SDC2: variants seen among roughly 807,000 people sequenced by gnomAD.
SDC2 encodes the protein syndecan 2, also known as syndecan-2.
SDC2 carries 13 observed loss-of-function variants against 22.2 expected under a neutral mutation model. The observed-to-expected ratio is 0.59, with a 90% CI of 0.38 to 0.93. The LOEUF is 0.93. Ranked by LOEUF, SDC2 falls within the 40% of genes least tolerant of loss-of-function variation. The pLI is 0.00. For missense variants in SDC2, 235 were observed against 246.8 expected, an observed-to-expected ratio of 0.95 and a Z score of 0.32; for synonymous variants, 94 against 92.8, an observed-to-expected ratio of 1.01 and a Z score of -0.07.
chr8:96,523,468 C>T (rs13257560), intron 1 of SDC2, among the ~76,000 whole-genome samples: 68,257 of 152,048 alleles, frequency 0.45, 16,128 homozygotes, highest in Non-Finnish European at 0.53. Flanking sequence ...CTCTTGGAGT[C>T]CTAGGTGCTA....
chr8:96,576,871 A>G (rs62516143), intron 1 of SDC2, among the ~76,000 whole-genome samples: 12,361 of 152,268 alleles, frequency 0.081, 608 homozygotes, highest in East Asian at 0.15. Context: ...AATGGTGAAT[A>G]CATTTCTAAT....
At chr8:96,510,614 A>G (rs1011605437) in intron 1 of SDC2, among the ~76,000 whole-genome samples, 5 of 152,220 alleles carry the variant, frequency 3.3e-5, no homozygotes, top group African/African-American at 1.2e-4. Flanking sequence ...TCTGCAGGAT[A>G]ACATTACAAT....
At chr8:96,528,947 A>G (rs1452711713) in intron 1 of SDC2, among the ~76,000 whole-genome samples, 1 of 152,212 alleles carries the variant, frequency 6.6e-6, no homozygotes, top group Non-Finnish European at 1.5e-5. Context: ...TCTTGGTCTC[A>G]GTGTCTTCAT....
chr8:96,539,178 G>A (rs1036039163), intron 1 of SDC2, among the ~76,000 whole-genome samples: 1 of 152,180 alleles, frequency 6.6e-6, no homozygotes, highest in Non-Finnish European at 1.5e-5. Flanking sequence ...CGAGTACTGA[G>A]CATAGAATTT....
intron 1 of SDC2, among the ~76,000 whole-genome samples, chr8:96,576,248 GT>G (rs970399643): frequency 6.6e-6 from 1 of 151,642 alleles, no homozygotes; most frequent in Non-Finnish European, 1.5e-5. Context: ...GTCACCTGAA[GT>G]TTTTTCAGCT....
intron 1 of SDC2, among the ~76,000 whole-genome samples, chr8:96,548,994 G>A (rs950898271): frequency 1.3e-5 from 2 of 152,188 alleles, no homozygotes; most frequent in Non-Finnish European, 2.9e-5. Flanking sequence ...GCAGCATAAT[G>A]TTGTGTTGTG....
intron 1 of SDC2, among the ~76,000 whole-genome samples, chr8:96,583,236 G>A (rs1814620382): frequency 7.3e-6 from 1 of 136,266 alleles, no homozygotes; most frequent in Non-Finnish European, 1.6e-5. Context: ...ACAAGCATGA[G>A]TCACTGCACC....
Position 96,504,086 on chromosome 8 carries a change from C to G in SDC2, c.60+9755C>G, listed in dbSNP as rs534661710. ...AGTTTAAGGGAGATAACAATATGAT[C>G]ATCTCAACAGATGCAGAAAAAGCAT... is the stretch of plus-strand genomic sequence containing the variant. On this transcript the variant is annotated intron_variant, in intron 1 of 4. Coordinates refer to ENST00000302190, the MANE Select transcript of SDC2 (RefSeq NM_002998.4). 2.6e-5 allele frequency among the ~76,000 whole-genome samples: 4 copies of G among 152,272 alleles called. No homozygotes were observed. In the South Asian group the frequency reaches 8.3e-4, roughly 32 times the overall value.
intron 1 of SDC2, among the ~76,000 whole-genome samples, chr8:96,552,067 A>C (rs1393928420): frequency 6.6e-6 from 1 of 152,168 alleles, no homozygotes; most frequent in African/African-American, 2.4e-5. Context: ...TCTGCAACAG[A>C]ACCAGCCACA....
At chr8:96,551,709 G>A (rs975416788) in intron 1 of SDC2, among the ~76,000 whole-genome samples, 9 of 152,158 alleles carry the variant, frequency 5.9e-5, no homozygotes, top group Admixed American at 5.2e-4. Flanking sequence ...ATGAGAGTAG[G>A]CAGGTAGGAT....
intron 1 of SDC2, 34 bp downstream of exon 1, chr8:96,494,365 T>G: frequency 6.5e-7 from 1 of 1,532,376 alleles, no homozygotes; most frequent in Non-Finnish European, 8.7e-7. Flanking sequence ...CGCGCGCCGT[T>G]TAGGGTGTTT....
intron 1 of SDC2, 92 bp downstream of exon 1, chr8:96,494,423 A>C (rs1813015961): frequency 3.2e-6 from 4 of 1,250,250 alleles, no homozygotes; most frequent in Non-Finnish European, 4.4e-6. Context: ...CCACCTGGGG[A>C]ACCCCCAGTC....
intron 1 of SDC2, among the ~76,000 whole-genome samples, chr8:96,536,992 G>T (rs1813764987): frequency 6.6e-6 from 1 of 152,152 alleles, no homozygotes; most frequent in African/African-American, 2.4e-5. Flanking sequence ...ACAATGGCAG[G>T]CTTCAGTAAA....
At chr8:96,535,273 C>T (rs758200762) in intron 1 of SDC2, among the ~76,000 whole-genome samples, 1 of 152,168 alleles carries the variant, frequency 6.6e-6, no homozygotes, top group Non-Finnish European at 1.5e-5. Flanking sequence ...TCCCAAAGTG[C>T]CGGGATTACA....
chr8:96,535,268 A>G (rs1813736535), intron 1 of SDC2, among the ~76,000 whole-genome samples: 1 of 152,014 alleles, frequency 6.6e-6, no homozygotes, highest in African/African-American at 2.4e-5. Context: ...TGGCCTCCCA[A>G]AGTGCCGGGA....
chr8:96,589,424 T>G (rs1416746404), intron 1 of SDC2, among the ~76,000 whole-genome samples: 6 of 152,162 alleles, frequency 3.9e-5, no homozygotes, highest in Admixed American at 1.3e-4. Flanking sequence ...GTTGTTTGTT[T>G]TTTGAGACAG....
chr8:96,525,719 G>A (rs1813567277), intron 1 of SDC2, among the ~76,000 whole-genome samples: 4 of 152,092 alleles, frequency 2.6e-5, no homozygotes, highest in South Asian at 4.1e-4. Flanking sequence ...ATTGATCTCC[G>A]AGGGCATCTC....
At chr8:96,506,019 C>CA (rs1365987820) in intron 1 of SDC2, among the ~76,000 whole-genome samples, 2 of 151,988 alleles carry the variant, frequency 1.3e-5, no homozygotes, top group East Asian at 3.9e-4. Flanking sequence ...TCAAAATTGC[C>CA]AAAAAACCAC....
chr8:96,498,080 T>C (rs754574190), intron 1 of SDC2, among the ~76,000 whole-genome samples: 6 of 152,182 alleles, frequency 3.9e-5, no homozygotes, highest in Non-Finnish European at 7.4e-5. Flanking sequence ...TTCTAATCAT[T>C]TGGATTTAAA....
Sources: allele counts gnomAD v4.1 joint callset (sites outside exome capture counted in the v4.1 genomes callset), GRCh38; gene constraint gnomAD v4.1.1; transcripts MANE v1.5; gene names NCBI Gene and HGNC (gene_info 2026-07-23, HGNC 2026-07-21).